Variants in PALD1 observed in about 807,000 individuals in gnomAD.
The protein encoded by PALD1 is paladin.
Under a neutral mutation model 96.0 loss-of-function variants are expected in PALD1, and 57 were observed. That is an observed-to-expected ratio of 0.59 (90% CI 0.48 to 0.74). The LOEUF (loss-of-function observed/expected upper bound fraction) is 0.74, where lower values mean the gene tolerates loss of function less well. PALD1 is among the 30% of genes least tolerant of loss of function. PALD1 has a pLI of 0.00. For synonymous variants in PALD1, 464 were observed against 473.6 expected (o/e 0.98, Z 0.26); for missense variants, 1,063 against 1,143.7 (o/e 0.93, Z 1.02).
At chr10:70,481,778 C>T (rs1191018038) in intron 1 of PALD1, among the ~76,000 whole-genome samples, 1 of 152,210 alleles carries the variant, frequency 6.6e-6, no homozygotes, top group Non-Finnish European at 1.5e-5. Flanking sequence ...TCTGCTAAGC[C>T]GTGGGCTTGC....
At chr10:70,483,447 A>G (rs533367529) in intron 1 of PALD1, among the ~76,000 whole-genome samples, 46 of 152,250 alleles carry the variant, frequency 3.0e-4, no homozygotes, top group African/African-American at 1.1e-3. Context: ...TGTCACTGCC[A>G]ATGCTTTGGG....
At chr10:70,485,096 A>T (rs777069227) in intron 1 of PALD1, among the ~76,000 whole-genome samples, 1 of 152,190 alleles carries the variant, frequency 6.6e-6, no homozygotes, top group Non-Finnish European at 1.5e-5. Context: ...ATCATACTTC[A>T]CAAAACCACC....
At chr10:70,498,431 G>A (rs72809290) in intron 1 of PALD1, among the ~76,000 whole-genome samples, 11,798 of 151,986 alleles carry the variant, frequency 0.078, 671 homozygotes, top group East Asian at 0.17. Context: ...AGGAGTGTGC[G>A]CCACACCTGG....
intron 16 of PALD1, 71 bp from the exon 17 acceptor site, chr10:70,541,392 C>G (rs1564704869): frequency 1.9e-6 from 3 of 1,555,382 alleles, no homozygotes; most frequent in East Asian, 2.3e-5. Context: ...TGGGCAGCCC[C>G]CAAGTCCTCC....
chr10:70,536,558 C>T (rs1847119756), intron 10 of PALD1, among the ~76,000 whole-genome samples: 1 of 152,184 alleles, frequency 6.6e-6, no homozygotes, highest in Non-Finnish European at 1.5e-5. Flanking sequence ...CGGCTTAGAC[C>T]AAATCCAGCC....
chr10:70,535,536 TTCTTTCCTCCTCC>T (rs1333371408), intron 10 of PALD1, among the ~76,000 whole-genome samples: 9 of 137,836 alleles, frequency 6.5e-5, no homozygotes, highest in African/African-American at 2.4e-4. Flanking sequence ...CTTCCTCCTC[TTCTTTCCTCCTCC>T]TCCTTCCTCC....
At chr10:70,566,477 A>G (rs562930565) in intron 19 of PALD1, 104 bp from the exon 20 acceptor site, 89 of 823,242 alleles carry the variant, frequency 1.1e-4, no homozygotes, top group South Asian at 6.2e-4. Context: ...AAACTTGTTC[A>G]GGTCACCAAG....
intron 5 of PALD1, among the ~76,000 whole-genome samples, chr10:70,531,692 C>G (rs1846995492): frequency 6.6e-6 from 1 of 151,842 alleles, no homozygotes; most frequent in South Asian, 2.1e-4. Flanking sequence ...GCTCAATGTC[C>G]TTATTTAGAA....
intron 7 of PALD1, among the ~76,000 whole-genome samples, chr10:70,533,305 G>A (rs1847034935): frequency 6.6e-6 from 1 of 151,954 alleles, no homozygotes. Flanking sequence ...GTCTCTCTGT[G>A]TGTCTGTGTG....
intron 1 of PALD1, among the ~76,000 whole-genome samples, chr10:70,502,398 C>G (rs1438632482): frequency 1.3e-5 from 2 of 148,176 alleles, no homozygotes; most frequent in Non-Finnish European, 3.0e-5. Context: ...AAAGACATTT[C>G]TAATCTTTCA....
intron 1 of PALD1, among the ~76,000 whole-genome samples, chr10:70,486,782 C>G (rs975113886): frequency 6.6e-6 from 1 of 151,996 alleles, no homozygotes; most frequent in Non-Finnish European, 1.5e-5. Flanking sequence ...CAAAACAAAA[C>G]AAAAAACCTC....
At chr10:70,560,074 T>G (rs1847705259) in intron 18 of PALD1, among the ~76,000 whole-genome samples, 1 of 152,184 alleles carries the variant, frequency 6.6e-6, no homozygotes, top group Non-Finnish European at 1.5e-5. Flanking sequence ...CCTGCCTTGA[T>G]GAAGCAATTA....
At chr10:70,559,293 C>T (rs1017109369) in intron 18 of PALD1, among the ~76,000 whole-genome samples, 5 of 151,918 alleles carry the variant, frequency 3.3e-5, no homozygotes, top group Non-Finnish European at 7.4e-5. Flanking sequence ...GTGCAGTCCC[C>T]GAGGTGGGAG....
At chr10:70,528,920 C>T (rs1399277173) in intron 2 of PALD1, among the ~76,000 whole-genome samples, 5 of 152,116 alleles carry the variant, frequency 3.3e-5, no homozygotes, top group Non-Finnish European at 7.3e-5. Flanking sequence ...TGGGAATGGC[C>T]TGGAATTTGC....
Position 70,539,191 on chromosome 10 carries a change from G to A in PALD1, c.1669G>A (p.Gly557Arg), listed in dbSNP as rs368514293. The A allele has an allele frequency of 2.2e-5, 35 of 1,612,896 alleles. No individual in the cohort carries two copies. The highest frequency in any genetic ancestry group is 2.0e-4 in the South Asian group (18 of 90,858). The change falls in exon 14 of 20, where the codon GGG becomes AGG. Residue 557 changes from glycine to arginine, a missense_variant. Transcript: ENST00000263563. This position sits in a 1 kb window ranked among gnomAD's most constrained non-coding sequence, Gnocchi z 4.5. ...LREEAVLECD[G>R]HTYSLRWPGP... ...GGAGGAGGCCGTGTTGGAGTGTGAC[G>A]GGCACACCTACAGCCTGCGGTGGCC...
intron 1 of PALD1, among the ~76,000 whole-genome samples, chr10:70,507,049 C>T (rs1339980460): frequency 6.6e-6 from 1 of 152,140 alleles, no homozygotes; most frequent in Non-Finnish European, 1.5e-5. Context: ...CAGACACCTG[C>T]AAAGTTGATC....
At position 70,492,326 on chromosome 10, in the gene PALD1, A is replaced by G. The variant is rs148214486; in HGVS notation, c.-30+13267A>G. On this transcript the variant is annotated intron_variant, in intron 1 of 19. Transcript: ENST00000263563. ...CTGCGTATAACTCCGTGGTAAGTCA[A>G]GGACCTCTTTACATCCTGCGATTTG... Among the ~76,000 whole-genome samples the G allele has an allele frequency of 3.8e-3, 575 of 152,250 alleles. 11 individuals are homozygous for G. Among genetic ancestry groups the G allele is most frequent in the African/African-American group, 0.013 (549 of 41,540 alleles).
At chr10:70,547,487 C>T in intron 18 of PALD1, 41 bp downstream of exon 18, 1 of 1,407,864 alleles carries the variant, frequency 7.1e-7, no homozygotes. Context: ...GCCCCAGCCA[C>T]CCTTCCAGGT....
chr10:70,558,632 G>T (rs1847665650), intron 18 of PALD1, among the ~76,000 whole-genome samples: 1 of 151,960 alleles, frequency 6.6e-6, no homozygotes. Context: ...AGTGTCACAT[G>T]TTGCAACTAT....
Sources: allele counts gnomAD v4.1 joint callset (sites outside exome capture counted in the v4.1 genomes callset), GRCh38; gene constraint gnomAD v4.1.1; non-coding constraint Gnocchi (gnomAD v3.1); transcripts MANE v1.5; gene names NCBI Gene and HGNC (gene_info 2026-07-23, HGNC 2026-07-21).